The following LMO2 variants were observed in gnomAD, a reference collection of about 807,000 sequenced individuals.
LMO2 encodes the protein rhombotin-2.
LMO2 carries 20 observed loss-of-function variants against 23.2 expected under a neutral mutation model. That is an observed-to-expected ratio of 0.86 (90% confidence interval 0.61 to 1.25). The LOEUF (loss-of-function observed/expected upper bound fraction) is 1.25. LMO2 is among the 50% of genes most tolerant of loss of function. LMO2 has a pLI of 0.00. For synonymous variants in LMO2, 123 were observed against 130.2 expected, an observed-to-expected ratio of 0.94 and a Z score of 0.38; for missense variants, 270 against 315.3, an observed-to-expected ratio of 0.86 and a Z score of 1.09.
chr11:33,889,344 A>T (rs1288334340), intron 1 of LMO2, among the ~76,000 whole-genome samples: 8 of 152,210 alleles, frequency 5.3e-5, no homozygotes, highest in Admixed American at 5.2e-4. Context: ...CCTTAGCCAG[A>T]CCAGAGCACA....
chr11:33,880,277 AT>A lies in LMO2; in HGVS notation c.-272+1546del, dbSNP rs1857248309. Among the ~76,000 whole-genome samples, 1 of 119,354 alleles carries A rather than the reference AT, an allele frequency of 8.4e-6. No individual in the cohort carries two copies. The highest frequency in any genetic ancestry group is 2.6e-4 in the South Asian group (1 of 3,838). The allele number at this position is 119,354 out of a possible 152,430, so 78.3% of individuals were successfully genotyped here. ...GATATATATATCATACATACACATG[AT>A]ATATATCATATATATCATATATATA... On this transcript the variant is annotated intron_variant, in intron 2 of 5. Coordinates refer to ENST00000257818, the MANE Select transcript of LMO2 (RefSeq NM_005574.4). This position sits in a 1 kb window ranked among gnomAD's most constrained non-coding sequence, Gnocchi z 4.3.
intron 5 of LMO2, among the ~76,000 whole-genome samples, chr11:33,862,826 T>C (rs1234070032): frequency 2.6e-5 from 4 of 152,210 alleles, no homozygotes; most frequent in Admixed American, 1.3e-4. Context: ...TATTAAAGAA[T>C]GGCTGGAAAT....
chr11:33,884,532 T>G lies in LMO2; in HGVS notation c.-335-2645A>C, dbSNP rs192941553. Among the ~76,000 whole-genome samples the G allele has an allele frequency of 2.0e-3, 309 of 152,282 alleles. 1 individual carries two copies. The highest frequency in any genetic ancestry group is 5.8e-3 in the African/African-American group (242 of 41,558). ...TTCTTCAAAATTCACTCCCTAACAT[T>G]TGGTTCACCATCCAAAGAGCTAATA... On this transcript the variant is annotated intron_variant, in intron 1 of 5. Transcript: ENST00000257818.
intron 2 of LMO2, among the ~76,000 whole-genome samples, chr11:33,873,416 T>C (rs908651918): frequency 3.3e-5 from 5 of 152,230 alleles, no homozygotes; most frequent in Non-Finnish European, 7.3e-5. Context: ...TTCATTCCTA[T>C]TCAACGGGCA....
Position 33,859,559 on chromosome 11 carries a change from C to CAAG in LMO2, c.480_481insCTT (p.Asp160_Gly161insLeu), listed in dbSNP as rs1565019877. The CAAG allele has an allele frequency of 1.2e-6, 2 of 1,613,908 alleles. No homozygotes were observed. Among genetic ancestry groups the CAAG allele is most frequent in the South Asian group, 2.2e-5 (2 of 91,050 alleles). ...CGCTTGTCACAGGATGCGCAGAGAC[C>CAAG]GTCTTGCCCAAAAAGCCTGGGGCAA... On this transcript the variant is annotated inframe_insertion, in exon 6 of 6. Transcript: ENST00000257818.
chr11:33,874,847 A>C (rs1035165798), intron 2 of LMO2, among the ~76,000 whole-genome samples: 9 of 152,196 alleles, frequency 5.9e-5, no homozygotes, highest in African/African-American at 2.2e-4. Flanking sequence ...TTCCCCTCCA[A>C]CAACTTTCAA....
At chr11:33,874,706 C>A (rs1194434010) in intron 2 of LMO2, among the ~76,000 whole-genome samples, 1 of 152,228 alleles carries the variant, frequency 6.6e-6, no homozygotes, top group Non-Finnish European at 1.5e-5. Context: ...CCTAAGACCT[C>A]GGCAAGCCTC....
chr11:33,891,177 C>T (rs1857536945), intron 1 of LMO2, among the ~76,000 whole-genome samples: 1 of 152,172 alleles, frequency 6.6e-6, no homozygotes, highest in East Asian at 1.9e-4. Flanking sequence ...TCCTCATCCG[C>T]CTTGGTTTTT....
Position 33,864,487 on chromosome 11 carries a change from C to G in LMO2, c.464+115G>C. 2.6e-6 allele frequency: 2 copies of G among 780,450 alleles called. No homozygotes were observed. Among genetic ancestry groups the G allele is most frequent in the Non-Finnish European group, 4.1e-6 (2 of 487,900 alleles). The allele number at this position is 780,450 out of a possible 1,614,324, so 48.3% of individuals were successfully genotyped here. A position where few individuals can be genotyped will look rare whatever the true frequency, so the allele number is the denominator to read the frequency against. On this transcript the variant is annotated intron_variant, in intron 5 of 5. Transcript: ENST00000257818. The surrounding 1 kb of genome is among the most constrained non-coding windows in gnomAD (Gnocchi z 4.8). ...TCAGCCTCTGCAGTCTGACCTCTTT[C>G]TATAGGTGGTGTCCGAGCCTGGAGC...
intron 2 of LMO2, among the ~76,000 whole-genome samples, chr11:33,875,538 G>T (rs7129330): frequency 6.7e-6 from 1 of 149,130 alleles, no homozygotes; most frequent in African/African-American, 2.5e-5. Context: ...AGACCGTGCC[G>T]TTGCACTCAA....
intron 5 of LMO2, among the ~76,000 whole-genome samples, chr11:33,860,710 C>T (rs965113183): frequency 6.6e-6 from 1 of 152,108 alleles, no homozygotes; most frequent in African/African-American, 2.4e-5. Context: ...GTGGAGGTTG[C>T]AGTGAGCCGA....
At position 33,864,457 on chromosome 11, in the gene LMO2, G is replaced by A. The variant is rs962737212; in HGVS notation, c.464+145C>T. The stretch of plus-strand genomic sequence containing the variant: ...CCCTCTGCTTCTCAGCACAGGAGCT[G>A]AGACTCAGCCTCTGCAGTCTGACCT... On this transcript the variant is annotated intron_variant, in intron 5 of 5. Transcript: ENST00000257818. The surrounding 1 kb of genome is among the most constrained non-coding windows in gnomAD (Gnocchi z 4.8). 2 of 638,428 alleles carry A rather than the reference G, an allele frequency of 3.1e-6. No individual in the cohort carries two copies. The highest frequency in any genetic ancestry group is 2.7e-6 in the Non-Finnish European group (1 of 369,772). The allele number at this position is 638,428 out of a possible 1,614,324, so 39.5% of individuals were successfully genotyped here.
chr11:33,876,562 G>C (rs1215276000), intron 2 of LMO2, among the ~76,000 whole-genome samples: 1 of 152,214 alleles, frequency 6.6e-6, no homozygotes. Context: ...TAATGGTCCA[G>C]ATACCATTTA....
intron 4 of LMO2, among the ~76,000 whole-genome samples, chr11:33,865,800 C>T (rs1856760556): frequency 1.3e-5 from 2 of 152,194 alleles, no homozygotes; most frequent in African/African-American, 4.8e-5. Context: ...TACATTTTTA[C>T]ATTTAAAAAT....
At chr11:33,867,216 G>A (rs960863344) in intron 4 of LMO2, among the ~76,000 whole-genome samples, 2 of 152,168 alleles carry the variant, frequency 1.3e-5, no homozygotes, top group African/African-American at 4.8e-5. Flanking sequence ...CTGTCCAAAT[G>A]TTTCATTTGC....
At chr11:33,890,303 G>A (rs893529443) in intron 1 of LMO2, among the ~76,000 whole-genome samples, 20 of 152,062 alleles carry the variant, frequency 1.3e-4, no homozygotes, top group African/African-American at 3.9e-4. Flanking sequence ...TGCAATTTAC[G>A]CTTGTCACAA....
At chr11:33,870,676 C>T (rs1856994855) in intron 2 of LMO2, 1 of 678,150 alleles carries the variant, frequency 1.5e-6, no homozygotes, top group Non-Finnish European at 1.8e-6. Flanking sequence ...CCTCCCTCTG[C>T]ACCTTTCAGA....
chr11:33,875,118 T>C (rs1857105688), intron 2 of LMO2, among the ~76,000 whole-genome samples: 1 of 152,232 alleles, frequency 6.6e-6, no homozygotes, highest in South Asian at 2.1e-4. Flanking sequence ...CCAACCTCTC[T>C]GCATTTGAGC....
intron 2 of LMO2, chr11:33,870,522 C>T: frequency 1.0e-6 from 1 of 985,620 alleles, no homozygotes; most frequent in Non-Finnish European, 1.2e-6. Context: ...CCGCGCTCTG[C>T]AGAGGCGATG....
Sources: allele counts gnomAD v4.1 joint callset (sites outside exome capture counted in the v4.1 genomes callset), GRCh38; gene constraint gnomAD v4.1.1; non-coding constraint Gnocchi (gnomAD v3.1); transcripts MANE v1.5; gene names NCBI Gene and HGNC (gene_info 2026-07-23, HGNC 2026-07-21).